The following DIS3L2 variants were observed in gnomAD, a reference collection of about 807,000 sequenced individuals.
DIS3L2 encodes DIS3-like exonuclease 2.
Under a neutral mutation model 97.5 loss-of-function variants are expected in DIS3L2, and 34 were observed. The observed-to-expected ratio is 0.35, with a 90% CI of 0.27 to 0.46. The LOEUF (loss-of-function observed/expected upper bound fraction) is 0.46. Ranked by LOEUF, DIS3L2 falls within the 20% of genes least tolerant of loss-of-function variation. The probability of loss-of-function intolerance (pLI) is 1.00; values close to 1 mark genes in which losing one functional copy is unlikely to be tolerated. For synonymous variants in DIS3L2, 435 were observed against 445.2 expected (o/e 0.98, Z 0.29); for missense variants, 1,038 against 1,146.0 (o/e 0.91, Z 1.36).
At chr2:232,338,943 A>G (rs1444611286), downstream of DIS3L2, among the ~76,000 whole-genome samples, 2 of 152,242 alleles carry the variant, frequency 1.3e-5, no homozygotes, top group Non-Finnish European at 2.9e-5. Flanking sequence ...CCTCAAGGAG[A>G]CACCGTGGGG....
At chr2:232,134,303 T>A (rs1175304273) in intron 7 of DIS3L2, among the ~76,000 whole-genome samples, 1 of 152,154 alleles carries the variant, frequency 6.6e-6, no homozygotes, top group Non-Finnish European at 1.5e-5. Context: ...TGAAAATATA[T>A]CTTCAGAGAA....
Position 232,336,630 on chromosome 2 carries a change from A to C in DIS3L2, c.2658A>C (p.Ter886CysextTer23). 1 of 1,583,282 alleles carries C rather than the reference A, an allele frequency of 6.3e-7. No individual in the cohort carries two copies. Among genetic ancestry groups the C allele is most frequent in the Admixed American group, 1.8e-5 (1 of 56,634 alleles). ...DGEPEDSSTS* is the reference protein window; with the variant it reads ...DGEPEDSSTSC ...AGCCCGAGGACTCAAGCACCAGCTG[A>C]GCTCCACCAGCCGCCTGCCCCGCCT... is the stretch of plus-strand genomic sequence containing the variant. Residue 886 changes from the stop codon to cysteine (C), a stop_lost, in exon 21 of 21, where the codon TGA becomes TGC. Coordinates refer to ENST00000325385, the MANE Select transcript of DIS3L2 (RefSeq NM_152383.5).
intron 3 of DIS3L2, among the ~76,000 whole-genome samples, chr2:232,022,206 T>C (rs1377627302): frequency 6.6e-6 from 1 of 152,192 alleles, no homozygotes; most frequent in African/African-American, 2.4e-5. Flanking sequence ...GTTTCTGCTT[T>C]CTTAGTGTGA....
Position 232,330,766 on chromosome 2 carries a change from G to A in DIS3L2, c.2000G>A (p.Arg667Gln), listed in dbSNP as rs1060503034. The A allele has an allele frequency of 7.4e-6, 12 of 1,611,178 alleles. No homozygotes were observed. The highest frequency in any genetic ancestry group is 1.7e-5 in the Admixed American group (1 of 60,014). The change falls in exon 16 of 21, where the codon CGG becomes CAG. Residue 667 changes from arginine to glutamine, a missense_variant. Around this residue, in one of 3 missense-constraint regions of DIS3L2, gnomAD observed 813 missense variants for 880.1 expected, o/e 0.92. Coordinates refer to ENST00000325385, the MANE Select transcript of DIS3L2 (RefSeq NM_152383.5). ...GAGGTGCTCACCAACATGTGCTCCC[G>A]GCCCATGCAGGTAAGGAGGGCCCAG... is the stretch of plus-strand genomic sequence containing the variant. ...RKEVLTNMCS[R>Q]PMQMALYFCS...
chr2:232,341,672 G>A (rs561152677), downstream of DIS3L2, among the ~76,000 whole-genome samples: 21 of 152,334 alleles, frequency 1.4e-4, no homozygotes, highest in African/African-American at 4.8e-5. Context: ...TCAGTGGGAA[G>A]CTGTGGCTTG....
In DIS3L2 at chr2:232,122,150, T is replaced by C. The variant is rs1574891717; in HGVS notation, c.602-8469T>C. On this transcript the variant is annotated intron_variant, in intron 6 of 20. Coordinates refer to ENST00000325385, the MANE Select transcript of DIS3L2 (RefSeq NM_152383.5). ...GCCTCTGCCTATCTATGTAGTACCT[T>C]CTCTTGTTCCTCCTTACTCTGCACA... Among the ~76,000 whole-genome samples the C allele has an allele frequency of 2.0e-5, 3 of 152,300 alleles. No individual in the cohort carries two copies. In the East Asian group the frequency reaches 5.8e-4, roughly 29 times the overall value.
chr2:232,319,289 A>G (rs1352222284), intron 14 of DIS3L2, among the ~76,000 whole-genome samples: 1 of 152,244 alleles, frequency 6.6e-6, no homozygotes, highest in East Asian at 1.9e-4. Context: ...CATGCTACGT[A>G]TAAGCATGTC....
At chr2:231,993,256 A>G (rs1297030397) in intron 1 of DIS3L2, among the ~76,000 whole-genome samples, 2 of 151,982 alleles carry the variant, frequency 1.3e-5, no homozygotes, top group East Asian at 3.9e-4. Flanking sequence ...TTTGAGACAG[A>G]GTCTTGGAGT....
Position 232,304,758 on chromosome 2 carries a change from T to C in DIS3L2, c.1739+4639T>C, listed in dbSNP as rs557814462. On this transcript the variant is annotated intron_variant, in intron 14 of 20. Transcript: ENST00000325385. ...GGTTGCTTTTTAGACCTTATTTTTG[T>C]CTTTGGCATTCTGCAGTTTTACTAC... Among the ~76,000 whole-genome samples the C allele has an allele frequency of 1.2e-4, 18 of 152,332 alleles. No individual in the cohort carries two copies. In the East Asian group the frequency reaches 2.3e-3, roughly 20 times the overall value.
intron 9 of DIS3L2, among the ~76,000 whole-genome samples, chr2:232,183,537 C>T (rs553806588): frequency 2.6e-4 from 39 of 152,302 alleles, no homozygotes; most frequent in African/African-American, 9.4e-4. Context: ...CTTCTTAAGT[C>T]TTTCTTGGGC....
At chr2:231,986,121 G>A (rs1044924719) in intron 1 of DIS3L2, among the ~76,000 whole-genome samples, 5 of 152,228 alleles carry the variant, frequency 3.3e-5, no homozygotes, top group East Asian at 1.9e-4. Flanking sequence ...TTTGCCCGGG[G>A]CTCTTGGGCT....
At chr2:232,181,652 T>G (rs2106184050) in intron 9 of DIS3L2, among the ~76,000 whole-genome samples, 1 of 152,232 alleles carries the variant, frequency 6.6e-6, no homozygotes, top group South Asian at 2.1e-4. Context: ...ATTTTTTAAT[T>G]TTTTGAGACA....
At chr2:232,081,933 G>A (rs1696414802) in intron 5 of DIS3L2, among the ~76,000 whole-genome samples, 1 of 152,228 alleles carries the variant, frequency 6.6e-6, no homozygotes, top group Admixed American at 6.5e-5. Flanking sequence ...GGGACTACAA[G>A]CACATGCCAC....
intron 13 of DIS3L2, among the ~76,000 whole-genome samples, chr2:232,297,415 G>A (rs1694748993): frequency 6.6e-6 from 1 of 152,180 alleles, no homozygotes; most frequent in African/African-American, 2.4e-5. Flanking sequence ...TACTGATTGA[G>A]AAGCTGAATA....
chr2:232,302,573 A>G (rs561551016), intron 14 of DIS3L2, among the ~76,000 whole-genome samples: 5 of 80,854 alleles, frequency 6.2e-5, no homozygotes, highest in South Asian at 3.8e-4. Flanking sequence ...TTTTTTTTCT[A>G]TTTTTTGAGA....
intron 1 of DIS3L2, among the ~76,000 whole-genome samples, chr2:231,968,328 C>T (rs1692788359): frequency 6.6e-6 from 1 of 152,198 alleles, no homozygotes; most frequent in Non-Finnish European, 1.5e-5. Flanking sequence ...GATCTCCTGA[C>T]CTCGTGATCC....
intron 10 of DIS3L2, among the ~76,000 whole-genome samples, chr2:232,220,523 A>G (rs1692469160): frequency 6.6e-6 from 1 of 152,140 alleles, no homozygotes; most frequent in Non-Finnish European, 1.5e-5. Context: ...CCTGACCAAC[A>G]TAGTGAAACC....
In DIS3L2 at chr2:232,337,015, A is replaced by G. The variant is rs1340180640; in HGVS notation, c.*385A>G. 3.7e-6 allele frequency: 4 copies of G among 1,087,674 alleles called. No homozygotes were observed. Among genetic ancestry groups the G allele is most frequent in the Admixed American group, 5.1e-5 (1 of 19,592 alleles). The allele number at this position is 1,087,674 out of a possible 1,614,324, so 67.4% of individuals were successfully genotyped here. On this transcript the variant is annotated 3_prime_UTR_variant, in exon 21 of 21. Coordinates refer to ENST00000325385, the MANE Select transcript of DIS3L2 (RefSeq NM_152383.5). ...GGCGCCTCTGGGAAGCCTGGGCAGC[A>G]GAATGCCCCTTGCACCCAGGGCAAG...
chr2:232,285,627 T>G (rs1694406948), intron 13 of DIS3L2, among the ~76,000 whole-genome samples: 1 of 152,216 alleles, frequency 6.6e-6, no homozygotes, highest in Non-Finnish European at 1.5e-5. Flanking sequence ...ATGCCAAGAC[T>G]TTAGAGCCGT....
Sources: gnomAD v4.1 joint callset for allele counts (sites outside exome capture counted in the v4.1 genomes callset) on GRCh38, gnomAD v4.1.1 for gene constraint, gnomAD v4.1.1 regional missense constraint, MANE v1.5 for transcripts, NCBI Gene and HGNC (gene_info 2026-07-23, HGNC 2026-07-21) for gene names.